SUGCT: variants seen among roughly 807,000 people sequenced by gnomAD.
The protein encoded by SUGCT is succinyl-CoA:glutarate CoA-transferase.
A neutral mutation model predicts 55.0 loss-of-function variants in SUGCT; 41 were observed. The observed-to-expected ratio is 0.74, with a 90% CI of 0.58 to 0.97. The LOEUF (loss-of-function observed/expected upper bound fraction) is 0.97. SUGCT is among the 50% of genes least tolerant of loss of function. SUGCT has a pLI of 0.00. For missense variants in SUGCT, 568 were observed against 547.8 expected (o/e 1.04, Z -0.37); for synonymous variants, 187 against 200.4 (o/e 0.93, Z 0.56).
intron 12 of SUGCT, among the ~76,000 whole-genome samples, chr7:40,692,823 A>G (rs759320011): frequency 1.4e-5 from 2 of 145,118 alleles, no homozygotes; most frequent in African/African-American, 5.0e-5. Flanking sequence ...CATTCTACCA[A>G]TGAGACACAC....
At chr7:40,975,033 T>C in the SUGCT span, among the ~76,000 whole-genome samples, 1 of 152,214 alleles carries the variant, frequency 6.6e-6, no homozygotes, top group Non-Finnish European at 1.5e-5. Context: ...AAACTCTTGT[T>C]ATAGGCTAAG....
the SUGCT span, among the ~76,000 whole-genome samples, chr7:40,904,004 C>G: frequency 6.6e-6 from 1 of 152,302 alleles, no homozygotes; most frequent in South Asian, 2.1e-4. Context: ...CTTGGCGCAG[C>G]TTACATCACG....
intron 11 of SUGCT, among the ~76,000 whole-genome samples, chr7:40,465,391 C>T (rs1024373987): frequency 2.0e-5 from 3 of 152,070 alleles, no homozygotes; most frequent in African/African-American, 7.2e-5. Flanking sequence ...AGGCAGATCA[C>T]CTGAGGTCAG....
chr7:40,398,178 G>A (rs753041866), intron 9 of SUGCT, among the ~76,000 whole-genome samples: 3 of 152,060 alleles, frequency 2.0e-5, no homozygotes, highest in Admixed American at 6.6e-5. Flanking sequence ...TGCAACCTCC[G>A]CCTCCCGGGT....
chr7:40,652,627 A>G (rs571810521), intron 12 of SUGCT, among the ~76,000 whole-genome samples: 1 of 152,278 alleles, frequency 6.6e-6, no homozygotes, highest in Non-Finnish European at 1.5e-5. Flanking sequence ...TAGTCTGTTG[A>G]TATTAGTTTT....
chr7:40,750,420 G>T (rs1787951547), intron 13 of SUGCT, among the ~76,000 whole-genome samples: 1 of 151,758 alleles, frequency 6.6e-6, no homozygotes, highest in Non-Finnish European at 1.5e-5. Context: ...TTTTGTTATT[G>T]TTTTTTCCTA....
chr7:40,955,096 G>T, the SUGCT span, among the ~76,000 whole-genome samples: 3 of 152,128 alleles, frequency 2.0e-5, no homozygotes, highest in Non-Finnish European at 2.9e-5. Flanking sequence ...TGTTCTTTTT[G>T]CTTAGGATTG....
intron 12 of SUGCT, chr7:40,538,265 A>G (rs1353246070): frequency 6.6e-6 from 1 of 152,218 alleles, no homozygotes; most frequent in East Asian, 1.9e-4. Context: ...CTGAGCATTA[A>G]TAATGTTTAA....
At chr7:40,602,969 A>T (rs1483854615) in intron 12 of SUGCT, among the ~76,000 whole-genome samples, 3 of 152,186 alleles carry the variant, frequency 2.0e-5, no homozygotes, top group Admixed American at 6.5e-5. Flanking sequence ...TAGTGATGGG[A>T]TGTTGGAACA....
intron 8 of SUGCT, among the ~76,000 whole-genome samples, chr7:40,314,239 G>C (rs185040116): frequency 2.0e-5 from 3 of 152,294 alleles, no homozygotes; most frequent in African/African-American, 4.8e-5. Context: ...AAGTTGGCCT[G>C]TGATCATCCA....
At chr7:40,605,595 G>C (rs1798488323) in intron 12 of SUGCT, among the ~76,000 whole-genome samples, 1 of 152,160 alleles carries the variant, frequency 6.6e-6, no homozygotes, top group South Asian at 2.1e-4. Context: ...AGAGCAGTCA[G>C]AAATGGAGGA....
intron 3 of SUGCT, among the ~76,000 whole-genome samples, chr7:40,186,926 G>C (rs1444112163): frequency 3.3e-5 from 5 of 152,172 alleles, no homozygotes; most frequent in African/African-American, 1.2e-4. Flanking sequence ...AATTTTTAAA[G>C]ATTTCCAGAT....
rs1167084671 is a variant in SUGCT at position 40,312,330 on chromosome 7, T to A, written c.721-4430T>A. Among the ~76,000 whole-genome samples the A allele has an allele frequency of 2.0e-5, 3 of 152,196 alleles. No individual in the cohort carries two copies. In the East Asian group the frequency reaches 5.8e-4, roughly 29 times the overall value. On this transcript the variant is annotated intron_variant, in intron 8 of 13. Transcript: ENST00000335693. ...TGTTGGGATTACAGGTGTGAGCCAC[T>A]GTGCCAGGCCAAGTTATTTTTATTC...
chr7:40,852,675 G>A (rs969988028), intron 13 of SUGCT, among the ~76,000 whole-genome samples: 3 of 149,094 alleles, frequency 2.0e-5, no homozygotes, highest in Non-Finnish European at 3.0e-5. Context: ...TTCCCCCACT[G>A]TTCGTATTGA....
intron 11 of SUGCT, among the ~76,000 whole-genome samples, chr7:40,485,386 T>C (rs1184036484): frequency 6.7e-6 from 1 of 150,222 alleles, no homozygotes; most frequent in Non-Finnish European, 1.5e-5. Flanking sequence ...TATATCTAGA[T>C]AATATAGGTA....
the SUGCT span, among the ~76,000 whole-genome samples, chr7:40,944,290 TC>T: frequency 6.6e-6 from 1 of 151,778 alleles, no homozygotes; most frequent in Non-Finnish European, 1.5e-5. Context: ...TTTAATTAGA[TC>T]CCATTTGTCA....
At chr7:40,417,366 T>C (rs1204896767) in intron 9 of SUGCT, among the ~76,000 whole-genome samples, 1 of 151,982 alleles carries the variant, frequency 6.6e-6, no homozygotes, top group Non-Finnish European at 1.5e-5. Flanking sequence ...AGCAAGACTT[T>C]ATCTATATCC....
intron 6 of SUGCT, among the ~76,000 whole-genome samples, chr7:40,230,310 T>A (rs1788643338): frequency 2.6e-5 from 4 of 152,198 alleles, no homozygotes; most frequent in Admixed American, 2.6e-4. Context: ...TAAGTATGCA[T>A]GTCACGTGGT....
the SUGCT span, among the ~76,000 whole-genome samples, chr7:41,011,942 C>T: frequency 4.6e-5 from 7 of 152,122 alleles, no homozygotes; most frequent in Non-Finnish European, 7.3e-5. Flanking sequence ...CCCTCAATCA[C>T]GCCCAGTTCC....
Sources: allele counts gnomAD v4.1 joint callset (sites outside exome capture counted in the v4.1 genomes callset), GRCh38; gene constraint gnomAD v4.1.1; transcripts MANE v1.5; gene names NCBI Gene and HGNC (gene_info 2026-07-23, HGNC 2026-07-21).